The following CHRM3 variants were observed in gnomAD, a reference collection of about 807,000 sequenced individuals.
CHRM3 encodes the protein cholinergic receptor muscarinic 3.
CHRM3 carries 11 observed loss-of-function variants against 41.8 expected under a neutral mutation model. The ratio of observed to expected loss-of-function variants is 0.26; its 90% confidence interval spans 0.17 to 0.44. The LOEUF (loss-of-function observed/expected upper bound fraction) is 0.44, where lower values mean the gene tolerates loss of function less well. CHRM3 is among the 20% of genes least tolerant of loss of function. The pLI, the probability that CHRM3 is intolerant of heterozygous loss-of-function variation, is 1.00. For missense variants in CHRM3, 571 were observed against 745.4 expected (o/e 0.77, Z 2.72); for synonymous variants, 297 against 301.4 (o/e 0.99, Z 0.15).
intron 6 of CHRM3, among the ~76,000 whole-genome samples, chr1:239,863,686 C>T (rs930934534): frequency 2.0e-5 from 3 of 151,846 alleles, no homozygotes; most frequent in Admixed American, 2.0e-4. Flanking sequence ...GTTAAAATTG[C>T]TCCAGGTGCA....
In CHRM3 at chr1:239,540,376, AACTTC is replaced by A. The variant is rs1428913823; in HGVS notation, c.-421-5258_-421-5254del. Among the ~76,000 whole-genome samples the A allele has an allele frequency of 2.0e-5, 3 of 152,270 alleles. No individual in the cohort carries two copies. The East Asian group carries it at 5.8e-4, about 29-fold the overall frequency. On this transcript the variant is annotated intron_variant, in intron 2 of 6. Transcript: ENST00000676153. Reference sequence around the variant, plus strand: ...GTTTAAATGACTCCATTTCAGAGAAAACTTCACTTCAGTAATCCTTTAAAAAAATC... The same window carrying A: ...GTTTAAATGACTCCATTTCAGAGAAAACTTCAGTAATCCTTTAAAAAAATC...
At chr1:239,528,150 G>A (rs988289976) in intron 2 of CHRM3, among the ~76,000 whole-genome samples, 1 of 152,204 alleles carries the variant, frequency 6.6e-6, no homozygotes, top group Non-Finnish European at 1.5e-5. Flanking sequence ...CATATCAGTA[G>A]TTTCTTATGC....
At chr1:239,833,442 C>A (rs900844245) in intron 6 of CHRM3, among the ~76,000 whole-genome samples, 6 of 152,042 alleles carry the variant, frequency 3.9e-5, no homozygotes, top group African/African-American at 1.4e-4. Flanking sequence ...CCAGGTGGTG[C>A]CTTTCAGAGG....
At chr1:239,539,211 G>A (rs1658496842) in intron 2 of CHRM3, among the ~76,000 whole-genome samples, 1 of 152,150 alleles carries the variant, frequency 6.6e-6, no homozygotes, top group Non-Finnish European at 1.5e-5. Context: ...TACCTTCTTT[G>A]TTAAAAGATG....
chr1:239,775,101 C>A (rs975920333), intron 5 of CHRM3, among the ~76,000 whole-genome samples: 5 of 151,976 alleles, frequency 3.3e-5, no homozygotes, highest in African/African-American at 1.2e-4. Context: ...TTTCCATGTT[C>A]TGATAGTCTG....
chr1:239,641,339 T>G (rs565153514), intron 4 of CHRM3, among the ~76,000 whole-genome samples: 1 of 151,508 alleles, frequency 6.6e-6, no homozygotes, highest in East Asian at 1.9e-4. Flanking sequence ...TCTGTCTCAT[T>G]GATCTGTCTA....
At chr1:239,602,930 G>A (rs1437484426) in intron 3 of CHRM3, among the ~76,000 whole-genome samples, 1 of 152,124 alleles carries the variant, frequency 6.6e-6, no homozygotes, top group Admixed American at 6.5e-5. Flanking sequence ...ATGTTACTAA[G>A]TACACTGTTG....
intron 4 of CHRM3, among the ~76,000 whole-genome samples, chr1:239,666,248 G>A (rs1005633281): frequency 6.6e-6 from 1 of 151,522 alleles, no homozygotes; most frequent in Admixed American, 6.6e-5. Flanking sequence ...AGGCTGGAGT[G>A]CAGTGGCTTG....
At chr1:239,876,561 T>C (rs1465017363) in intron 6 of CHRM3, among the ~76,000 whole-genome samples, 2 of 152,128 alleles carry the variant, frequency 1.3e-5, no homozygotes, top group African/African-American at 4.8e-5. Context: ...AAATGGTGAG[T>C]GGAAGATGAC....
At chr1:239,490,134 C>T (rs748991688) in intron 1 of CHRM3, among the ~76,000 whole-genome samples, 1 of 152,132 alleles carries the variant, frequency 6.6e-6, no homozygotes, top group Non-Finnish European at 1.5e-5. Context: ...AGTAAGTGCT[C>T]AATAATGTTA....
At chr1:239,739,613 C>A (rs187053358) in intron 5 of CHRM3, among the ~76,000 whole-genome samples, 1 of 152,164 alleles carries the variant, frequency 6.6e-6, no homozygotes, top group Non-Finnish European at 1.5e-5. Context: ...TTGTATTATT[C>A]TGAAGAGTTC....
chr1:239,868,744 C>T (rs1676328902), intron 6 of CHRM3, among the ~76,000 whole-genome samples: 1 of 152,206 alleles, frequency 6.6e-6, no homozygotes, highest in Non-Finnish European at 1.5e-5. Context: ...TCAGTCCAAT[C>T]TCAAACCTGC....
intron 4 of CHRM3, among the ~76,000 whole-genome samples, chr1:239,642,296 A>T (rs1008815900): frequency 5.3e-5 from 8 of 151,272 alleles, no homozygotes; most frequent in African/African-American, 2.0e-4. Context: ...GTATTTCCTG[A>T]ATTTGAATGT....
At chr1:239,564,491 A>C (rs1335777051) in intron 3 of CHRM3, among the ~76,000 whole-genome samples, 2 of 152,186 alleles carry the variant, frequency 1.3e-5, no homozygotes, top group East Asian at 3.8e-4. Context: ...ATTTAAATGT[A>C]ATCTCTTTAT....
At chr1:239,603,914 G>A (rs1475193791) in intron 3 of CHRM3, among the ~76,000 whole-genome samples, 1 of 151,934 alleles carries the variant, frequency 6.6e-6, no homozygotes, top group African/African-American at 2.4e-5. Flanking sequence ...GCAAATTATG[G>A]TCCAAGTTCT....
At chr1:239,565,043 T>A (rs1403864693) in intron 3 of CHRM3, among the ~76,000 whole-genome samples, 4 of 152,144 alleles carry the variant, frequency 2.6e-5, no homozygotes, top group Non-Finnish European at 5.9e-5. Context: ...CCTGACTGTG[T>A]CACTCCAGTC....
At chr1:239,658,770 A>G (rs1246489456) in intron 4 of CHRM3, among the ~76,000 whole-genome samples, 1 of 150,886 alleles carries the variant, frequency 6.6e-6, no homozygotes, top group Non-Finnish European at 1.5e-5. Flanking sequence ...ACAGAGTCTC[A>G]CTTTGTTACT....
intron 6 of CHRM3, among the ~76,000 whole-genome samples, chr1:239,894,891 C>G (rs7532278): frequency 6.6e-6 from 1 of 152,090 alleles, no homozygotes; most frequent in Non-Finnish European, 1.5e-5. Flanking sequence ...TGAAGTCTCA[C>G]GGCTCATAAG....
chr1:239,835,070 G>A (rs1306411224), intron 6 of CHRM3, among the ~76,000 whole-genome samples: 1 of 152,182 alleles, frequency 6.6e-6, no homozygotes, highest in Non-Finnish European at 1.5e-5. Flanking sequence ...AGGTAATGGG[G>A]CTGTAAGTCA....
Sources: gnomAD v4.1 joint callset for allele counts (sites outside exome capture counted in the v4.1 genomes callset) on GRCh38, gnomAD v4.1.1 for gene constraint, MANE v1.5 for transcripts, NCBI Gene and HGNC (gene_info 2026-07-23, HGNC 2026-07-21) for gene names.